GALNT13: variants seen among roughly 807,000 people sequenced by gnomAD.
GALNT13 encodes polypeptide N-acetylgalactosaminyltransferase 13.
GALNT13 carries 28 observed loss-of-function variants against 64.2 expected under a neutral mutation model. That is an observed-to-expected ratio of 0.44 (90% CI 0.32 to 0.60). The LOEUF (loss-of-function observed/expected upper bound fraction) is 0.60. GALNT13 is among the 20% of genes least tolerant of loss of function. The pLI, the probability that GALNT13 is intolerant of heterozygous loss-of-function variation, is 0.05. For synonymous variants in GALNT13, 214 were observed against 224.6 expected (o/e 0.95, Z 0.42); for missense variants, 577 against 669.8 (o/e 0.86, Z 1.53).
chr2:154,086,446 A>C (rs1487916250), intron 3 of GALNT13, among the ~76,000 whole-genome samples: 1 of 148,516 alleles, frequency 6.7e-6, no homozygotes, highest in Non-Finnish European at 1.5e-5. Flanking sequence ...TATATAGAAT[A>C]TATGTAAATA....
At chr2:154,346,916 T>C (rs1420036182) in intron 9 of GALNT13, among the ~76,000 whole-genome samples, 2 of 152,138 alleles carry the variant, frequency 1.3e-5, no homozygotes, top group East Asian at 1.9e-4. Flanking sequence ...ATAATTGTTG[T>C]ATACAGTAAA....
intron 4 of GALNT13, among the ~76,000 whole-genome samples, chr2:154,189,586 A>G (rs184414038): frequency 8.5e-5 from 13 of 152,062 alleles, no homozygotes; most frequent in Non-Finnish European, 1.3e-4. Context: ...TCCAGTTTCC[A>G]GAACTGTGAG....
At chr2:153,157,787 A>G in the GALNT13 span, among the ~76,000 whole-genome samples, 1 of 152,166 alleles carries the variant, frequency 6.6e-6, no homozygotes, top group African/African-American at 2.4e-5. Flanking sequence ...AAGAATATAA[A>G]CCTATACTAG....
At chr2:153,291,583 A>T in the GALNT13 span, among the ~76,000 whole-genome samples, 4 of 152,042 alleles carry the variant, frequency 2.6e-5, no homozygotes, top group Non-Finnish European at 4.4e-5. Context: ...GCCAGGGGTT[A>T]CCCAAAACTG....
At chr2:153,872,628 G>T (rs1275004004) in intron 1 of GALNT13, among the ~76,000 whole-genome samples, 1 of 99,488 alleles carries the variant, frequency 1.0e-5, no homozygotes, top group Non-Finnish European at 2.2e-5. Flanking sequence ...GCGGGGGGGG[G>T]GGGGGGAGCG....
At chr2:154,029,878 A>C (rs1391543725) in intron 3 of GALNT13, among the ~76,000 whole-genome samples, 1 of 152,160 alleles carries the variant, frequency 6.6e-6, no homozygotes, top group African/African-American at 2.4e-5. Context: ...GTCAGATGGA[A>C]ATACTAGAAC....
At chr2:154,290,654 T>C (rs1290580601) in intron 8 of GALNT13, among the ~76,000 whole-genome samples, 1 of 152,170 alleles carries the variant, frequency 6.6e-6, no homozygotes, top group East Asian at 1.9e-4. Flanking sequence ...CTATAGCTGC[T>C]AGGAGGGCTC....
the GALNT13 span, among the ~76,000 whole-genome samples, chr2:153,552,565 GCTT>G: frequency 1.2e-4 from 17 of 141,060 alleles, no homozygotes; most frequent in Middle Eastern, 4.0e-3. Flanking sequence ...TCTTCTGCCT[GCTT>G]CTTCTTCTTT....
At chr2:153,648,587 ATATTGGCTG>A in the GALNT13 span, among the ~76,000 whole-genome samples, 1 of 152,224 alleles carries the variant, frequency 6.6e-6, no homozygotes, top group East Asian at 1.9e-4. Flanking sequence ...ATTCAGTATG[ATATTGGCTG>A]TGGGTTTGTC....
At chr2:153,631,489 T>G in the GALNT13 span, among the ~76,000 whole-genome samples, 1 of 152,324 alleles carries the variant, frequency 6.6e-6, no homozygotes, top group South Asian at 2.1e-4. Flanking sequence ...CCTGACTTTT[T>G]AATGATCGCC....
At chr2:154,367,038 T>C (rs1697402714) in intron 9 of GALNT13, among the ~76,000 whole-genome samples, 1 of 152,180 alleles carries the variant, frequency 6.6e-6, no homozygotes. Context: ...TGCTACTTTT[T>C]ATGTTCATTA....
intron 9 of GALNT13, among the ~76,000 whole-genome samples, chr2:154,365,295 A>C (rs561588928): frequency 1.3e-5 from 2 of 152,286 alleles, no homozygotes; most frequent in African/African-American, 4.8e-5. Context: ...GTTGGATATA[A>C]ATGATTTTCA....
At chr2:154,406,757 C>T (rs2105386479) in intron 10 of GALNT13, among the ~76,000 whole-genome samples, 1 of 152,288 alleles carries the variant, frequency 6.6e-6, no homozygotes, top group Non-Finnish European at 1.5e-5. Context: ...CTCTTCCCTT[C>T]TAAAACATAA....
the GALNT13 span, among the ~76,000 whole-genome samples, chr2:153,312,604 T>C: frequency 6.6e-6 from 1 of 152,246 alleles, no homozygotes. Flanking sequence ...TTATTCCTCA[T>C]GTTTGCAAAA....
the GALNT13 span, among the ~76,000 whole-genome samples, chr2:153,781,505 C>T: frequency 3.3e-5 from 5 of 152,090 alleles, no homozygotes; most frequent in Non-Finnish European, 5.9e-5. Context: ...CTTTGGTATG[C>T]ATGCTGGGCA....
At chr2:153,648,386 G>A in the GALNT13 span, among the ~76,000 whole-genome samples, 4 of 151,982 alleles carry the variant, frequency 2.6e-5, no homozygotes, top group South Asian at 8.3e-4. Flanking sequence ...GGCATTTTCT[G>A]AATATACAAT....
upstream of GALNT13, among the ~76,000 whole-genome samples, chr2:153,870,801 C>T (rs1685873958): frequency 6.6e-6 from 1 of 150,504 alleles, no homozygotes; most frequent in South Asian, 2.1e-4. Flanking sequence ...TTTATGTAGT[C>T]GTTATATCCT....
At chr2:154,145,066 C>CTA (rs1220886938) in intron 4 of GALNT13, among the ~76,000 whole-genome samples, 81 of 104,662 alleles carry the variant, frequency 7.7e-4, no homozygotes, top group South Asian at 1.4e-3. Flanking sequence ...CTCTCTCTCT[C>CTA]TCTCTCTATC....
chr2:153,552,572 CTTCTTT>C, the GALNT13 span, among the ~76,000 whole-genome samples: 336 of 93,762 alleles, frequency 3.6e-3, no homozygotes, highest in African/African-American at 0.016. Context: ...CCTGCTTCTT[CTTCTTT>C]TTTTTTTTTT....
Sources: gnomAD v4.1 joint callset for allele counts (sites outside exome capture counted in the v4.1 genomes callset) on GRCh38, gnomAD v4.1.1 for gene constraint, MANE v1.5 for transcripts, NCBI Gene and HGNC (gene_info 2026-07-23, HGNC 2026-07-21) for gene names.